Variants in GATA4 observed in about 807,000 individuals in gnomAD.
GATA4 encodes GATA binding protein 4, also known as transcription factor GATA-4.
GATA4 carries 7 observed loss-of-function variants against 37.9 expected under a neutral mutation model. The observed-to-expected ratio is 0.18, with a 90% CI of 0.11 to 0.35. The LOEUF (loss-of-function observed/expected upper bound fraction) is 0.35. GATA4 is among the 10% of genes least tolerant of loss of function. The pLI is 1.00. For synonymous variants in GATA4, 372 were observed against 292.6 expected (o/e 1.27, Z -2.77); for missense variants, 647 against 653.0 (o/e 0.99, Z 0.10).
intron 2 of GATA4, among the ~76,000 whole-genome samples, chr8:11,743,499 G>T (rs1268749949): frequency 1.3e-5 from 2 of 152,250 alleles, no homozygotes; most frequent in African/African-American, 4.8e-5. Context: ...GGCGCCGATG[G>T]GGCGGCAGCA....
intron 1 of GATA4, among the ~76,000 whole-genome samples, chr8:11,685,774 C>T (rs1231914794): frequency 2.6e-5 from 4 of 152,282 alleles, no homozygotes; most frequent in East Asian, 3.9e-4. Context: ...CCCTCTTCCA[C>T]GACTCCCTTT....
intron 2 of GATA4, among the ~76,000 whole-genome samples, chr8:11,711,768 A>T: frequency 6.6e-6 from 1 of 151,896 alleles, no homozygotes; most frequent in South Asian, 2.1e-4. Flanking sequence ...AAAAAAAAAA[A>T]AAAACCAGTG....
intron 2 of GATA4, among the ~76,000 whole-genome samples, chr8:11,710,524 CA>C (rs773444142): frequency 0.019 from 2,145 of 115,182 alleles, 25 homozygotes; most frequent in African/African-American, 0.035. Flanking sequence ...TACTAAAATA[CA>C]AAAAAAAAAA....
intron 1 of GATA4, among the ~76,000 whole-genome samples, chr8:11,686,896 G>A (rs1020063978): frequency 2.0e-5 from 3 of 152,122 alleles, no homozygotes; most frequent in Admixed American, 1.3e-4. Context: ...TACTCAGGAG[G>A]CTGAGGCAGG....
intron 1 of GATA4, among the ~76,000 whole-genome samples, chr8:11,693,538 CACACA>C (rs1799396285): frequency 1.9e-5 from 2 of 107,774 alleles, no homozygotes; most frequent in African/African-American, 3.5e-5. Context: ...CACACACACA[CACACA>C]CACACACACA....
At chr8:11,726,610 G>A (rs1015955204) in intron 2 of GATA4, among the ~76,000 whole-genome samples, 1 of 152,144 alleles carries the variant, frequency 6.6e-6, no homozygotes, top group Non-Finnish European at 1.5e-5. Context: ...GCAGGAGAGA[G>A]CCCCCAGGGG....
intron 2 of GATA4, among the ~76,000 whole-genome samples, chr8:11,733,668 C>G (rs1801312179): frequency 6.6e-6 from 1 of 152,358 alleles, no homozygotes; most frequent in Non-Finnish European, 1.5e-5. Flanking sequence ...TAGATCTGTG[C>G]TGATATGGAA....
At chr8:11,677,467 A>G (rs1798820741) in intron 1 of GATA4, among the ~76,000 whole-genome samples, 1 of 152,184 alleles carries the variant, frequency 6.6e-6, no homozygotes, top group Non-Finnish European at 1.5e-5. Flanking sequence ...CACACCAGAA[A>G]TCAAATGGAT....
chr8:11,701,872 G>T (rs1032812750), upstream of GATA4, among the ~76,000 whole-genome samples: 5 of 152,032 alleles, frequency 3.3e-5, no homozygotes, highest in Admixed American at 6.6e-5. Context: ...GGTGGGAGGT[G>T]GTAGGGGTGG....
Position 11,742,880 on chromosome 8 carries a change from A to G in GATA4, c.617-6036A>G, listed in dbSNP as rs148793637. 2.3e-3 allele frequency among the ~76,000 whole-genome samples: 347 copies of G among 152,298 alleles called. 1 individual carries two copies. The highest frequency in any genetic ancestry group is 0.015 in the East Asian group (77 of 5,182). ...ACATGGGCCTGGGGTTCAGCAAGGG[A>G]CATTTGGGTGGGGCTGAGACTTTGC... On this transcript the variant is annotated intron_variant, in intron 2 of 6. Transcript: ENST00000532059.
chr8:11,680,536 C>T, intron 1 of GATA4: 1 of 985,456 alleles, frequency 1.0e-6, no homozygotes, highest in Non-Finnish European at 1.2e-6. Flanking sequence ...GGGTGTCGCG[C>T]CGACGTCCTT....
Position 11,759,087 on chromosome 8 carries a change from A to C in GATA4, c.*612A>C. 1 of 159,188 alleles carries C rather than the reference A, an allele frequency of 6.3e-6. No individual in the cohort carries two copies. Among genetic ancestry groups the C allele is most frequent in the Admixed American group, 5.9e-5 (1 of 16,820 alleles). The allele number at this position is 159,188 out of a possible 1,614,324, so 9.9% of individuals were successfully genotyped here. ...ACAGCCTCATCAAAATGCAGCTGGCAACTTCTCCCCCAGGTGCCTTCCCCC... is the reference window on the plus strand; with the variant it reads ...ACAGCCTCATCAAAATGCAGCTGGCCACTTCTCCCCCAGGTGCCTTCCCCC... On this transcript the variant is annotated 3_prime_UTR_variant, in exon 7 of 7. Coordinates refer to ENST00000532059, the MANE Select transcript of GATA4 (RefSeq NM_001308093.3).
intron 2 of GATA4, among the ~76,000 whole-genome samples, chr8:11,729,468 C>G (rs1801099919): frequency 6.6e-6 from 1 of 150,694 alleles, no homozygotes; most frequent in African/African-American, 2.4e-5. Context: ...ACTTGGGAGG[C>G]TGAGGCAGGA....
intron 2 of GATA4, among the ~76,000 whole-genome samples, chr8:11,733,606 T>G (rs1801309202): frequency 6.6e-6 from 1 of 152,270 alleles, no homozygotes; most frequent in African/African-American, 2.4e-5. Context: ...AGAATGTAAG[T>G]GTTATGTGCC....
In GATA4 at chr8:11,758,873, C is replaced by T. The variant is rs188654804; in HGVS notation, c.*398C>T. On this transcript the variant is annotated 3_prime_UTR_variant, in exon 7 of 7. Coordinates refer to ENST00000532059, the MANE Select transcript of GATA4 (RefSeq NM_001308093.3). ...GGGACCCCTGCTCCAGCCCGAATGA[C>T]GGCATCTGTTTGCCATGTACCTGGA... 4 of 325,242 alleles carry T rather than the reference C, an allele frequency of 1.2e-5. No homozygotes were observed. The highest frequency in any genetic ancestry group is 2.4e-5 in the Non-Finnish European group (4 of 166,618). The allele number at this position is 325,242 out of a possible 1,614,324, so 20.1% of individuals were successfully genotyped here.
At chr8:11,742,444 AAAAAC>A (rs886910291) in intron 2 of GATA4, among the ~76,000 whole-genome samples, 2 of 150,248 alleles carry the variant, frequency 1.3e-5, no homozygotes, top group Non-Finnish European at 1.5e-5. Flanking sequence ...GTGATTTAGG[AAAAAC>A]AAAACAAAAC....
At chr8:11,692,108 AG>A, upstream of GATA4, 2 of 936,178 alleles carry the variant, frequency 2.1e-6, no homozygotes, top group South Asian at 9.8e-5. Flanking sequence ...TGAGGCAGGC[AG>A]GAGCTCGGGC....
chr8:11,697,986 C>G (rs1799556435), intron 1 of GATA4: 1 of 985,348 alleles, frequency 1.0e-6, no homozygotes, highest in South Asian at 4.7e-5. Context: ...CTACCATAAC[C>G]ACTGTCCTCC....
chr8:11,678,874 G>A (rs956345293), intron 1 of GATA4, among the ~76,000 whole-genome samples: 1 of 144,808 alleles, frequency 6.9e-6, no homozygotes, highest in Non-Finnish European at 1.5e-5. Flanking sequence ...AGTTCGATTA[G>A]GGGGGAGCCT....
Sources: gnomAD v4.1 joint callset for allele counts (sites outside exome capture counted in the v4.1 genomes callset) on GRCh38, gnomAD v4.1.1 for gene constraint, MANE v1.5 for transcripts, NCBI Gene and HGNC (gene_info 2026-07-23, HGNC 2026-07-21) for gene names.